The following PIK3CB variants were observed in gnomAD, a reference collection of about 807,000 sequenced individuals.
The protein encoded by PIK3CB is phosphatidylinositol-4,5-bisphosphate 3-kinase catalytic subunit beta.
A neutral mutation model predicts 136.8 loss-of-function variants in PIK3CB; 39 were observed. The ratio of observed to expected loss-of-function variants is 0.29; its 90% CI spans 0.22 to 0.37. PIK3CB has a LOEUF of 0.37. Among genes scored for constraint, PIK3CB ranks in the 10% least tolerant of loss-of-function variants. The probability of loss-of-function intolerance (pLI) is 1.00; values close to 1 mark genes in which losing one functional copy is unlikely to be tolerated. For synonymous variants in PIK3CB, 428 were observed against 436.6 expected, an observed-to-expected ratio of 0.98 and a Z score of 0.25; for missense variants, 868 against 1,275.4, an observed-to-expected ratio of 0.68 and a Z score of 4.87.
intron 1 of PIK3CB, among the ~76,000 whole-genome samples, chr3:138,808,044 T>C (rs140888152): frequency 1.3e-5 from 2 of 152,246 alleles, no homozygotes; most frequent in Non-Finnish European, 2.9e-5. Flanking sequence ...ATTATTTTTA[T>C]TATATATGTC....
chr3:138,670,006 G>A (rs753195158), intron 19 of PIK3CB, among the ~76,000 whole-genome samples: 3 of 152,114 alleles, frequency 2.0e-5, no homozygotes, highest in Admixed American at 6.5e-5. Flanking sequence ...TTAAAAACAT[G>A]GGGTCAAAGT....
chr3:138,755,942 T>C lies in PIK3CB; in HGVS notation c.209A>G (p.Asn70Ser), dbSNP rs370600009. 21 of 1,610,420 alleles carry C rather than the reference T, an allele frequency of 1.3e-5. No individual in the cohort carries two copies. The highest frequency in any genetic ancestry group is 1.8e-5 in the Non-Finnish European group (21 of 1,177,462). Residue 70 changes from asparagine to serine, a missense_variant, in exon 4 of 24, where the codon AAC becomes AGC. Physicochemically the swap from Asn to Ser is conservative, Grantham distance 46. Coordinates refer to ENST00000674063, the MANE Select transcript of PIK3CB (RefSeq NM_006219.3). ...WKQVHNYPMF[N>S]LLMDIDSYMF... ...ATAGGAGTCAATATCCATAAGGAGG[T>C]TGAACATTGGGTAATTGTGAACTTG... is the stretch of plus-strand genomic sequence containing the variant.
chr3:138,812,833 T>G (rs1482451365), intron 1 of PIK3CB, among the ~76,000 whole-genome samples: 1 of 152,164 alleles, frequency 6.6e-6, no homozygotes, highest in African/African-American at 2.4e-5. Flanking sequence ...CCAGCCAGAA[T>G]GAGAGACTCT....
chr3:138,833,411 G>T (rs1203271868), intron 1 of PIK3CB, among the ~76,000 whole-genome samples: 1 of 152,074 alleles, frequency 6.6e-6, no homozygotes, highest in African/African-American at 2.4e-5. Context: ...TCTGAAACTG[G>T]GTTAAGATCC....
At chr3:138,801,564 T>TA (rs201099134) in intron 1 of PIK3CB, among the ~76,000 whole-genome samples, 112 of 150,030 alleles carry the variant, frequency 7.5e-4, no homozygotes, top group Admixed American at 6.0e-3. Flanking sequence ...ATCTCGTCTC[T>TA]AAAAAAAAAT....
chr3:138,709,754 T>G (rs960272756), intron 10 of PIK3CB, among the ~76,000 whole-genome samples: 1 of 152,196 alleles, frequency 6.6e-6, no homozygotes, highest in Non-Finnish European at 1.5e-5. Flanking sequence ...TAATTTTTAC[T>G]AAAAATACTA....
intron 8 of PIK3CB, among the ~76,000 whole-genome samples, chr3:138,726,577 C>T (rs967771720): frequency 1.3e-5 from 2 of 152,016 alleles, no homozygotes; most frequent in African/African-American, 4.8e-5. Context: ...AAAAAAGAAA[C>T]AAAAAGAGGA....
Position 138,731,453 on chromosome 3 carries a change from G to A in PIK3CB, c.1050+1908C>T, listed in dbSNP as rs116200912. ...TTTTTTGTAGAGATGGGATTTCGCC[G>A]TGTTCCCCAGGCTGGTCTTGAACTC... On this transcript the variant is annotated intron_variant, in intron 8 of 23. Transcript: ENST00000674063. Among the ~76,000 whole-genome samples the A allele has an allele frequency of 9.6e-3, 1,459 of 151,492 alleles. 18 individuals are homozygous for A. Among genetic ancestry groups the A allele is most frequent in the African/African-American group, 0.033 (1,382 of 41,352 alleles).
At chr3:138,758,208 CA>C (rs2045607437) in intron 3 of PIK3CB, among the ~76,000 whole-genome samples, 1 of 152,048 alleles carries the variant, frequency 6.6e-6, no homozygotes, top group South Asian at 2.1e-4. Context: ...CAAGAATAGG[CA>C]AACTGGTAGA....
intron 2 of PIK3CB, among the ~76,000 whole-genome samples, chr3:138,779,948 T>C (rs1266415703): frequency 6.6e-6 from 1 of 152,054 alleles, no homozygotes; most frequent in Admixed American, 6.6e-5. Context: ...GAAATTTAAA[T>C]GGCACTGAGA....
chr3:138,756,100 T>C (rs1205039423), intron 3 of PIK3CB, 121 bp from the exon 4 acceptor site: 1 of 460,544 alleles, frequency 2.2e-6, no homozygotes, highest in Non-Finnish European at 3.8e-6. Flanking sequence ...ATCAAATGTT[T>C]AGCAATAAAA....
intron 1 of PIK3CB, chr3:138,825,681 G>A: frequency 1.5e-6 from 1 of 651,644 alleles, no homozygotes; most frequent in Admixed American, 2.5e-5. Flanking sequence ...ACAAACCCTT[G>A]CATCTGTCTC....
intron 5 of PIK3CB, among the ~76,000 whole-genome samples, chr3:138,741,826 T>TAAA (rs754247884): frequency 7.7e-6 from 1 of 129,678 alleles, no homozygotes. Context: ...AGACTCCGTC[T>TAAA]AAAAAAAAAA....
chr3:138,679,528 ACT>A (rs937788724), intron 19 of PIK3CB, among the ~76,000 whole-genome samples: 8 of 152,006 alleles, frequency 5.3e-5, no homozygotes, highest in African/African-American at 1.7e-4. Flanking sequence ...GAATTTATAT[ACT>A]GTTTGATATA....
Position 138,734,625 on chromosome 3 carries a change from A to G in PIK3CB, c.972+9T>C, listed in dbSNP as rs776525603. The G allele has an allele frequency of 1.3e-6, 2 of 1,595,608 alleles. No individual in the cohort carries two copies. Among genetic ancestry groups the G allele is most frequent in the South Asian group, 2.2e-5 (2 of 89,298 alleles). ...TTGGGGTTACTAAAGGTTCAGAAATAAAACTTACAGAAATAATTCGTGTTT... is the reference window on the plus strand; with the variant it reads ...TTGGGGTTACTAAAGGTTCAGAAATGAAACTTACAGAAATAATTCGTGTTT... On this transcript the variant is annotated intron_variant, in intron 7 of 23. Coordinates refer to ENST00000674063, the MANE Select transcript of PIK3CB (RefSeq NM_006219.3).
chr3:138,680,697 T>A (rs1021210818), intron 19 of PIK3CB, among the ~76,000 whole-genome samples: 10 of 152,092 alleles, frequency 6.6e-5, no homozygotes, highest in East Asian at 3.9e-4. Flanking sequence ...TTTTTTTTTT[T>A]AATTTTTTGA....
chr3:138,715,299 C>T (rs568174738), intron 8 of PIK3CB, among the ~76,000 whole-genome samples: 84 of 152,300 alleles, frequency 5.5e-4, no homozygotes, highest in Non-Finnish European at 7.9e-4. Context: ...TGATGCAGGG[C>T]ATGCGTAAGA....
intron 1 of PIK3CB, among the ~76,000 whole-genome samples, chr3:138,829,452 G>A (rs1320156554): frequency 6.6e-6 from 1 of 152,098 alleles, no homozygotes; most frequent in Non-Finnish European, 1.5e-5. Context: ...TGGGGTAGTG[G>A]AAATGAAAAT....
intron 2 of PIK3CB, chr3:138,778,188 T>G: frequency 2.2e-6 from 1 of 457,792 alleles, no homozygotes; most frequent in South Asian, 1.5e-5. Context: ...TCATCATCTC[T>G]GCCCCCTCTG....
Sources: gnomAD v4.1 joint callset for allele counts (sites outside exome capture counted in the v4.1 genomes callset) on GRCh38, gnomAD v4.1.1 for gene constraint, MANE v1.5 for transcripts, NCBI Gene and HGNC (gene_info 2026-07-23, HGNC 2026-07-21) for gene names.